The following DIS3L2 variants were observed in gnomAD, a reference collection of about 807,000 sequenced individuals.
DIS3L2 encodes the protein DIS3-like exonuclease 2.
In DIS3L2, 34 loss-of-function variants were observed where a neutral mutation model predicts 97.5. The observed-to-expected ratio is 0.35, with a 90% CI of 0.27 to 0.46. DIS3L2 has a LOEUF of 0.46. Among genes scored for constraint, DIS3L2 ranks in the 20% least tolerant of loss-of-function variants. DIS3L2 has a pLI of 1.00. For missense variants in DIS3L2, 1,038 were observed against 1,146.0 expected (o/e 0.91, Z 1.36); for synonymous variants, 435 against 445.2 (o/e 0.98, Z 0.29).
In DIS3L2 at chr2:232,293,677, C is replaced by T. The variant is rs1042656431; in HGVS notation, c.1660-6363C>T. Among the ~76,000 whole-genome samples, 5 of 152,214 alleles carry T rather than the reference C, an allele frequency of 3.3e-5. No homozygotes were observed. The highest frequency in any genetic ancestry group is 6.5e-5 in the Admixed American group (1 of 15,282). On this transcript the variant is annotated intron_variant, in intron 13 of 20. Transcript: ENST00000325385. This position sits in a 1 kb window ranked among gnomAD's most constrained non-coding sequence, Gnocchi z 4.6. ...GGCCTCCCTGGCTGGCACACCCTCC[C>T]GAGCACAGGCCCACCTCTTTCCATT...
chr2:232,156,481 C>T (rs1690498283), intron 8 of DIS3L2, among the ~76,000 whole-genome samples: 1 of 149,824 alleles, frequency 6.7e-6, no homozygotes. Context: ...CCTTTTTTTC[C>T]TTTTAAATGT....
intron 5 of DIS3L2, among the ~76,000 whole-genome samples, chr2:232,083,239 G>A (rs1312122947): frequency 6.7e-6 from 1 of 149,474 alleles, no homozygotes; most frequent in Non-Finnish European, 1.5e-5. Context: ...AAATTATTAA[G>A]TAAGTAGGCA....
chr2:232,245,406 T>C (rs1251236233), intron 11 of DIS3L2, among the ~76,000 whole-genome samples: 1 of 152,164 alleles, frequency 6.6e-6, no homozygotes, highest in Non-Finnish European at 1.5e-5. Context: ...CTGCTGTGCC[T>C]GGGGTTGTGG....
chr2:232,089,807 G>A (rs1696783215), intron 6 of DIS3L2, among the ~76,000 whole-genome samples: 1 of 152,156 alleles, frequency 6.6e-6, no homozygotes, highest in Admixed American at 6.5e-5. Flanking sequence ...ACTGATGGAT[G>A]GAAGTGACAG....
intron 14 of DIS3L2, among the ~76,000 whole-genome samples, chr2:232,327,389 T>C (rs901019168): frequency 1.3e-5 from 2 of 152,164 alleles, no homozygotes; most frequent in African/African-American, 4.8e-5. Flanking sequence ...CACCACAGAA[T>C]TGCCTGGATG....
At chr2:232,172,143 G>GT (rs1691010313) in intron 9 of DIS3L2, among the ~76,000 whole-genome samples, 1 of 151,544 alleles carries the variant, frequency 6.6e-6, no homozygotes, top group Non-Finnish European at 1.5e-5. Flanking sequence ...GGCAAAGTCT[G>GT]TTTTTTATAT....
intron 13 of DIS3L2, among the ~76,000 whole-genome samples, chr2:232,291,802 G>A (rs1694606957): frequency 1.3e-5 from 2 of 152,222 alleles, no homozygotes; most frequent in Admixed American, 6.5e-5. Flanking sequence ...TCCAGGAGAC[G>A]GGCAGAGAGA....
At chr2:232,018,866 G>A (rs572282603) in intron 3 of DIS3L2, among the ~76,000 whole-genome samples, 1 of 152,202 alleles carries the variant, frequency 6.6e-6, no homozygotes, top group Middle Eastern at 3.4e-3. Context: ...TCATGTACAT[G>A]TAGTTTTGAA....
intron 8 of DIS3L2, among the ~76,000 whole-genome samples, chr2:232,157,562 GTGT>G (rs1282409707): frequency 2.6e-5 from 4 of 152,194 alleles, no homozygotes; most frequent in African/African-American, 9.7e-5. Flanking sequence ...GAGGATTGTG[GTGT>G]TTACATAAGC....
intron 6 of DIS3L2, among the ~76,000 whole-genome samples, chr2:232,098,202 G>A (rs1156767589): frequency 6.6e-6 from 1 of 152,122 alleles, no homozygotes; most frequent in African/African-American, 2.4e-5. Flanking sequence ...AATATACACA[G>A]AGGACAAAGC....
chr2:231,979,724 C>T (rs970269960), intron 1 of DIS3L2, among the ~76,000 whole-genome samples: 2 of 151,918 alleles, frequency 1.3e-5, no homozygotes, highest in Non-Finnish European at 2.9e-5. Context: ...ATTACAGGCA[C>T]CTGCCACCAC....
chr2:231,998,691 T>C (rs964770177), intron 1 of DIS3L2, among the ~76,000 whole-genome samples: 5 of 152,206 alleles, frequency 3.3e-5, no homozygotes, highest in Admixed American at 2.6e-4. Context: ...TCTTACCAAC[T>C]AGTTTTAGAT....
intron 6 of DIS3L2, among the ~76,000 whole-genome samples, chr2:232,101,052 G>T (rs1287395288): frequency 6.6e-6 from 1 of 151,624 alleles, no homozygotes; most frequent in African/African-American, 2.4e-5. Flanking sequence ...CCTGGACAAC[G>T]TGGTGAAACC....
At chr2:232,096,888 G>T (rs758910672) in intron 6 of DIS3L2, among the ~76,000 whole-genome samples, 9 of 152,058 alleles carry the variant, frequency 5.9e-5, no homozygotes, top group Non-Finnish European at 8.8e-5. Context: ...CTGTCTGAAA[G>T]GTTACATATC....
At chr2:232,274,307 C>T (rs940494604) in intron 13 of DIS3L2, among the ~76,000 whole-genome samples, 1 of 152,166 alleles carries the variant, frequency 6.6e-6, no homozygotes. Context: ...TTAGGCAGCA[C>T]TTGGACTCTC....
At chr2:232,136,428 G>A (rs1698359947) in intron 7 of DIS3L2, 44 bp from the exon 8 acceptor site, 3 of 1,605,380 alleles carry the variant, frequency 1.9e-6, no homozygotes, top group Non-Finnish European at 2.6e-6. Flanking sequence ...GTGTAATTCA[G>A]TTCTGCAGAT....
chr2:232,236,354 T>A (rs574519786), intron 10 of DIS3L2, among the ~76,000 whole-genome samples: 2 of 152,312 alleles, frequency 1.3e-5, no homozygotes, highest in South Asian at 2.1e-4. Flanking sequence ...TAATAAGTTC[T>A]TCTAAGCCAA....
At chr2:232,238,977 C>T (rs974594023) in intron 11 of DIS3L2, among the ~76,000 whole-genome samples, 10 of 152,314 alleles carry the variant, frequency 6.6e-5, no homozygotes, top group African/African-American at 1.2e-4. Flanking sequence ...GCTGCTTTCA[C>T]ACTACTTCAG....
chr2:232,071,927 G>C (rs75537054), intron 5 of DIS3L2, among the ~76,000 whole-genome samples: 2,931 of 152,260 alleles, frequency 0.019, 90 homozygotes, highest in African/African-American at 0.067. Context: ...AGATTTGTAG[G>C]GTGGTGTCAC....
Sources: allele counts gnomAD v4.1 joint callset (sites outside exome capture counted in the v4.1 genomes callset), GRCh38; gene constraint gnomAD v4.1.1; non-coding constraint Gnocchi (gnomAD v3.1); transcripts MANE v1.5; gene names NCBI Gene and HGNC (gene_info 2026-07-23, HGNC 2026-07-21).